The following FNBP1 variants were observed in gnomAD, a reference collection of about 807,000 sequenced individuals.
FNBP1 encodes formin binding protein 1, also known as formin-binding protein 1.
A neutral mutation model predicts 90.6 loss-of-function variants in FNBP1; 26 were observed. The observed-to-expected ratio is 0.29, with a 90% CI of 0.21 to 0.40. FNBP1 has a LOEUF of 0.40. Ranked by LOEUF, FNBP1 falls within the 10% of genes least tolerant of loss-of-function variation. FNBP1 has a pLI of 1.00. For synonymous variants in FNBP1, 260 were observed against 265.2 expected, an observed-to-expected ratio of 0.98 and a Z score of 0.19; for missense variants, 635 against 768.0, an observed-to-expected ratio of 0.83 and a Z score of 2.05.
At chr9:129,916,324 GA>G in intron 10 of FNBP1, 1 of 212,508 alleles carries the variant, frequency 4.7e-6, no homozygotes, top group Non-Finnish European at 9.5e-6. Context: ...GACTATAAAA[GA>G]AAAAATACAG....
chr9:130,018,571 A>G (rs928956576), intron 1 of FNBP1, among the ~76,000 whole-genome samples: 6 of 151,636 alleles, frequency 4.0e-5, no homozygotes, highest in African/African-American at 1.5e-4. Context: ...TTATTTATTT[A>G]TTTATTTATT....
rs1051200590 is a variant in FNBP1, at chr9:129,985,138, C to G, written c.141-5764G>C. ...TGTCCTCGGCCTTCAGCAAACCAAGCAGAACATATAATACCCCAGCCTCAA... is the reference window on the plus strand; with the variant it reads ...TGTCCTCGGCCTTCAGCAAACCAAGGAGAACATATAATACCCCAGCCTCAA... On this transcript the variant is annotated intron_variant, in intron 2 of 16. Coordinates refer to ENST00000446176, the MANE Select transcript of FNBP1 (RefSeq NM_015033.3). Among the ~76,000 whole-genome samples, 3 of 152,012 alleles carry G rather than the reference C, an allele frequency of 2.0e-5. No homozygotes were observed. In the East Asian group the frequency reaches 5.8e-4, roughly 29 times the overall value.
At chr9:129,953,428 T>C (rs2046457470) in intron 6 of FNBP1, among the ~76,000 whole-genome samples, 1 of 151,896 alleles carries the variant, frequency 6.6e-6, no homozygotes, top group African/African-American at 2.4e-5. Context: ...AGGCAGAGGT[T>C]GCAATGAGCC....
chr9:129,929,800 G>C, intron 6 of FNBP1, 105 bp from the exon 7 acceptor site: 1 of 1,016,648 alleles, frequency 9.8e-7, no homozygotes, highest in South Asian at 1.6e-5. Context: ...CTAGGGGCCA[G>C]ATTTACCTCA....
intron 10 of FNBP1, among the ~76,000 whole-genome samples, chr9:129,920,348 C>T (rs1293701886): frequency 1.3e-5 from 2 of 152,134 alleles, no homozygotes; most frequent in African/African-American, 4.8e-5. Flanking sequence ...GTCACCCAGG[C>T]TGGAATGCAG....
chr9:130,025,574 C>T (rs932243653), intron 1 of FNBP1, among the ~76,000 whole-genome samples: 8 of 152,180 alleles, frequency 5.3e-5, no homozygotes, highest in Non-Finnish European at 7.3e-5. Context: ...TCATTGATCA[C>T]GTCCACAATA....
intron 6 of FNBP1, among the ~76,000 whole-genome samples, chr9:129,934,263 C>G (rs2043133950): frequency 6.6e-6 from 1 of 152,148 alleles, no homozygotes. Context: ...ATTTCCCATT[C>G]TGAGAATAAA....
intron 12 of FNBP1, among the ~76,000 whole-genome samples, chr9:129,905,879 C>T (rs1588429307): frequency 2.1e-5 from 3 of 145,460 alleles, no homozygotes; most frequent in Non-Finnish European, 3.0e-5. Flanking sequence ...AGGCATATTT[C>T]TTTTTTTTTT....
intron 6 of FNBP1, among the ~76,000 whole-genome samples, chr9:129,931,331 C>T (rs968406532): frequency 4.6e-5 from 7 of 151,956 alleles, no homozygotes; most frequent in South Asian, 4.2e-4. Context: ...TGGCTGGGCG[C>T]GGTGGCTCAC....
At chr9:129,911,947 A>AC (rs55901969) in intron 11 of FNBP1, among the ~76,000 whole-genome samples, 17 of 149,650 alleles carry the variant, frequency 1.1e-4, no homozygotes, top group South Asian at 2.1e-4. Flanking sequence ...AAAAAAAAAA[A>AC]CCCAAAAACA....
chr9:129,923,528 G>A (rs534059557), intron 10 of FNBP1, among the ~76,000 whole-genome samples: 4 of 150,510 alleles, frequency 2.7e-5, no homozygotes, highest in South Asian at 2.1e-4. Context: ...GCAGGGAGCC[G>A]AGATCACGCC....
chr9:129,900,088 A>G lies in FNBP1; in HGVS notation c.1564T>C (p.Tyr522His). The G allele has an allele frequency of 6.2e-7, 1 of 1,610,998 alleles. No individual in the cohort carries two copies. Among genetic ancestry groups the G allele is most frequent in the Non-Finnish European group, 8.5e-7 (1 of 1,178,660 alleles). ...AQDRESPDGS[Y>H]TEEQSQESEM... ...CTCTCCTGACTCTGCTCCTCTGTGT[A>G]ACTGCCATCTGGGCTGCTCAAGAAA... is the stretch of plus-strand genomic sequence containing the variant. The change falls in exon 15 of 17, where the codon TAC (tyrosine) becomes CAC (histidine). Residue 522 changes from tyrosine (Y) to histidine (H), a missense_variant. Tyr to His is a moderately conservative substitution (Grantham distance 83). Coordinates refer to ENST00000446176, the MANE Select transcript of FNBP1 (RefSeq NM_015033.3). The surrounding 1 kb of genome is among the most constrained non-coding windows in gnomAD (Gnocchi z 4.1).
chr9:130,013,077 A>G (rs1475472177), intron 1 of FNBP1, among the ~76,000 whole-genome samples: 2 of 152,238 alleles, frequency 1.3e-5, no homozygotes, highest in African/African-American at 4.8e-5. Context: ...CTGGGAGAAG[A>G]TATTTGTAAC....
intron 1 of FNBP1, among the ~76,000 whole-genome samples, chr9:129,998,209 AAAG>A (rs1340808648): frequency 2.1e-5 from 3 of 145,404 alleles, no homozygotes; most frequent in Admixed American, 7.0e-5. Context: ...AAAAAAAAAA[AAAG>A]AAAAAAAATG....
chr9:130,038,780 A>G (rs572603797), intron 1 of FNBP1, among the ~76,000 whole-genome samples: 22 of 152,326 alleles, frequency 1.4e-4, no homozygotes, highest in African/African-American at 2.6e-4. Context: ...TTCATTTCTC[A>G]TTAGCACCAG....
At chr9:130,044,466 G>GA (rs33931674), upstream of FNBP1, among the ~76,000 whole-genome samples, 8 of 150,234 alleles carry the variant, frequency 5.3e-5, no homozygotes, top group African/African-American at 2.0e-4. Flanking sequence ...TCTACAAAAA[G>GA]AAAAAAAAAA....
chr9:129,910,504 A>AAAAGAG (rs1298095363), intron 11 of FNBP1, among the ~76,000 whole-genome samples: 18 of 104,056 alleles, frequency 1.7e-4, no homozygotes, highest in East Asian at 6.6e-4. Flanking sequence ...AAAAAAAAAA[A>AAAAGAG]AGAGAGAGAG....
At chr9:129,963,805 G>A (rs965405606) in intron 4 of FNBP1, among the ~76,000 whole-genome samples, 49 of 152,006 alleles carry the variant, frequency 3.2e-4, no homozygotes, top group Non-Finnish European at 1.2e-4. Flanking sequence ...AGTAGAGACA[G>A]GGTTTCACCA....
At chr9:129,895,417 G>T (rs1320796523) in intron 16 of FNBP1, 3 of 1,098,712 alleles carry the variant, frequency 2.7e-6, no homozygotes. Context: ...ATGTAGCTCA[G>T]TGTATGGTGG....
Sources: allele counts gnomAD v4.1 joint callset (sites outside exome capture counted in the v4.1 genomes callset), GRCh38; gene constraint gnomAD v4.1.1; non-coding constraint Gnocchi (gnomAD v3.1); transcripts MANE v1.5; gene names NCBI Gene and HGNC (gene_info 2026-07-23, HGNC 2026-07-21).